Variants in RNF169 observed in about 807,000 individuals in gnomAD.
RNF169 encodes the protein E3 ubiquitin-protein ligase RNF169.
In RNF169, 24 loss-of-function variants were observed where a neutral mutation model predicts 53.9. The ratio of observed to expected loss-of-function variants is 0.45; its 90% CI spans 0.32 to 0.63. RNF169 has a LOEUF of 0.63. Among genes scored for constraint, RNF169 ranks in the 20% least tolerant of loss-of-function variants. The pLI is 0.04. For synonymous variants in RNF169, 396 were observed against 363.5 expected (o/e 1.09, Z -1.02); for missense variants, 883 against 906.2 (o/e 0.97, Z 0.33).
In RNF169 at chr11:74,836,894, T is replaced by A; in HGVS notation, c.*164T>A. The A allele has an allele frequency of 1.7e-6, 1 of 601,800 alleles. No individual in the cohort carries two copies. The highest frequency in any genetic ancestry group is 2.8e-6 in the Non-Finnish European group (1 of 353,544). 37.3% of individuals were successfully genotyped at this position (601,800 alleles called of 1,614,324 possible). A position where few individuals can be genotyped will look rare whatever the true frequency, so the allele number is the denominator to read the frequency against. On this transcript the variant is annotated 3_prime_UTR_variant, in exon 6 of 6. Coordinates refer to ENST00000299563, the MANE Select transcript of RNF169 (RefSeq NM_001098638.2). ...GTAGTCAATATCCAAGGGAAAAGCA[T>A]CTCCGTTTCTCTGTGACCCAGGCCA...
intron 2 of RNF169, among the ~76,000 whole-genome samples, chr11:74,791,597 G>T (rs1423918345): frequency 6.6e-6 from 1 of 152,250 alleles, no homozygotes; most frequent in Non-Finnish European, 1.5e-5. Context: ...CCATGAGTCT[G>T]CTCTCACCCA....
intron 1 of RNF169, among the ~76,000 whole-genome samples, chr11:74,763,062 A>C (rs2035113737): frequency 6.6e-6 from 1 of 152,198 alleles, no homozygotes; most frequent in South Asian, 2.1e-4. Context: ...AGACGACAAG[A>C]AATCTTGTCT....
chr11:74,775,370 C>T (rs1475589503), intron 1 of RNF169, among the ~76,000 whole-genome samples: 2 of 152,030 alleles, frequency 1.3e-5, no homozygotes, highest in East Asian at 3.8e-4. Flanking sequence ...TTGTTCTAGT[C>T]AAAGAGGAAT....
At chr11:74,765,071 T>G (rs1377093751) in intron 1 of RNF169, among the ~76,000 whole-genome samples, 1 of 152,046 alleles carries the variant, frequency 6.6e-6, no homozygotes, top group Non-Finnish European at 1.5e-5. Context: ...TAGCCAGATG[T>G]GGTGGTGTGC....
At chr11:74,794,379 G>T (rs1262354221) in intron 2 of RNF169, among the ~76,000 whole-genome samples, 7 of 152,188 alleles carry the variant, frequency 4.6e-5, no homozygotes, top group Admixed American at 4.6e-4. Context: ...GGAAAATTGA[G>T]GACATGAAGG....
At chr11:74,835,516 T>G (rs1469647492) in intron 5 of RNF169, 30 bp from the exon 6 acceptor site, 1 of 1,531,400 alleles carries the variant, frequency 6.5e-7, no homozygotes, top group South Asian at 1.1e-5. Context: ...TATGTGTGTA[T>G]GAAGGCATAA....
chr11:74,772,112 C>G (rs183441592), intron 1 of RNF169, among the ~76,000 whole-genome samples: 1 of 152,118 alleles, frequency 6.6e-6, no homozygotes, highest in East Asian at 1.9e-4. Flanking sequence ...TTTTAACTTT[C>G]TTGATGTAAT....
chr11:74,785,624 G>A (rs1023781835), intron 1 of RNF169, among the ~76,000 whole-genome samples: 1 of 151,818 alleles, frequency 6.6e-6, no homozygotes, highest in Admixed American at 6.6e-5. Flanking sequence ...TTTTGGGCAC[G>A]GTGTCATTTA....
At chr11:74,768,650 G>A (rs1203360894) in intron 1 of RNF169, among the ~76,000 whole-genome samples, 2 of 151,574 alleles carry the variant, frequency 1.3e-5, no homozygotes, top group East Asian at 3.9e-4. Context: ...AGGTCAAACT[G>A]TAAAACTTAG....
rs2035986526 is a variant in RNF169, at chr11:74,819,864, A to G, written c.842+2150A>G. On this transcript the variant is annotated intron_variant, in intron 4 of 5. Transcript: ENST00000299563. Reference sequence around the variant, plus strand: ...AAGAAAGATCTGTGTTCTACTTAGTAGAAATTAACCGTAGCTACATTGTTT... The same window carrying G: ...AAGAAAGATCTGTGTTCTACTTAGTGGAAATTAACCGTAGCTACATTGTTT... Among the ~76,000 whole-genome samples, 6 of 152,358 alleles carry G rather than the reference A, an allele frequency of 3.9e-5. No homozygotes were observed. In the South Asian group the frequency reaches 1.2e-3, roughly 32 times the overall value.
chr11:74,806,666 G>A (rs2035809644), intron 2 of RNF169, among the ~76,000 whole-genome samples: 1 of 152,156 alleles, frequency 6.6e-6, no homozygotes, highest in African/African-American at 2.4e-5. Flanking sequence ...ATCACAAATA[G>A]AATGTTGAGT....
chr11:74,793,771 A>G (rs908301353), intron 2 of RNF169, among the ~76,000 whole-genome samples: 3 of 152,144 alleles, frequency 2.0e-5, no homozygotes, highest in African/African-American at 7.2e-5. Flanking sequence ...TTCTTTCTGC[A>G]TGTGTTGTAG....
intron 2 of RNF169, among the ~76,000 whole-genome samples, chr11:74,793,536 C>A (rs1052531461): frequency 1.3e-5 from 2 of 152,072 alleles, no homozygotes; most frequent in South Asian, 2.1e-4. Flanking sequence ...ATCCTAGATT[C>A]TATTACCTGT....
intron 2 of RNF169, among the ~76,000 whole-genome samples, chr11:74,803,905 G>A (rs115308023): frequency 0.01 from 1,559 of 152,328 alleles, 30 homozygotes; most frequent in African/African-American, 0.034. Context: ...GCCCTTGCAT[G>A]AAGAGAATTT....
intron 1 of RNF169, among the ~76,000 whole-genome samples, chr11:74,756,993 T>TTTAA (rs2034993890): frequency 1.4e-5 from 2 of 143,158 alleles, no homozygotes; most frequent in South Asian, 4.6e-4. Context: ...CGGCAATTCT[T>TTTAA]TTATTTATTT....
At chr11:74,778,187 A>G (rs1203856402) in intron 1 of RNF169, among the ~76,000 whole-genome samples, 8 of 152,228 alleles carry the variant, frequency 5.3e-5, no homozygotes, top group Non-Finnish European at 7.3e-5. Context: ...GTCTTAGCTA[A>G]TAAACTGCAT....
chr11:74,788,791 T>A (rs959635336), intron 1 of RNF169, among the ~76,000 whole-genome samples: 1 of 152,228 alleles, frequency 6.6e-6, no homozygotes, highest in African/African-American at 2.4e-5. Context: ...TGTAGGTTCA[T>A]ACAGGTTTTA....
At chr11:74,810,455 T>A in intron 3 of RNF169, 125 bp downstream of exon 3, 1 of 877,016 alleles carries the variant, frequency 1.1e-6, no homozygotes, top group Non-Finnish European at 1.8e-6. Flanking sequence ...CTGTGCAGCT[T>A]AAGAGTAGTG....
Position 74,835,996 on chromosome 11 carries a change from G to A in RNF169, c.1393G>A (p.Gly465Ser). ...LAPEMGEELL[G>S]SEGIHSSKEK... ...TCCTGAAATGGGGGAAGAGTTACTAGGCTCTGAAGGTATCCATTCTAGCAA... is the reference window on the plus strand; with the variant it reads ...TCCTGAAATGGGGGAAGAGTTACTAAGCTCTGAAGGTATCCATTCTAGCAA... Residue 465 changes from glycine (G) to serine (S), a missense_variant, in exon 6 of 6, where the codon GGC (glycine) becomes AGC (serine). Gly to Ser is a moderately conservative substitution (Grantham distance 56, BLOSUM62 0). This residue lies in a region of RNF169 where 351 missense variants were observed against 337.3 expected (regional missense o/e 1.04). Coordinates refer to ENST00000299563, the MANE Select transcript of RNF169 (RefSeq NM_001098638.2). 6.2e-7 allele frequency: 1 copy of A among 1,614,160 alleles called. No homozygotes were observed. The highest frequency in any genetic ancestry group is 8.5e-7 in the Non-Finnish European group (1 of 1,180,034).
Sources: gnomAD v4.1 joint callset for allele counts (sites outside exome capture counted in the v4.1 genomes callset) on GRCh38, gnomAD v4.1.1 for gene constraint, gnomAD v4.1.1 regional missense constraint, MANE v1.5 for transcripts, NCBI Gene and HGNC (gene_info 2026-07-23, HGNC 2026-07-21) for gene names.